NXPE2: variants seen among roughly 807,000 people sequenced by gnomAD.
NXPE2 encodes neurexophilin and PC-esterase domain family member 2.
A neutral mutation model predicts 34.4 loss-of-function variants in NXPE2; 34 were observed. That is an observed-to-expected ratio of 0.99 (90% CI 0.75 to 1.31). The LOEUF is 1.31. Among genes scored for constraint, NXPE2 ranks in the 40% most tolerant of loss-of-function variants. The pLI is 0.00. For missense variants in NXPE2, 649 were observed against 672.5 expected (o/e 0.97, Z 0.39); for synonymous variants, 235 against 231.3 (o/e 1.02, Z -0.15).
chr11:114,634,947 G>A, the NXPE2 span, among the ~76,000 whole-genome samples: 2 of 151,914 alleles, frequency 1.3e-5, no homozygotes, highest in African/African-American at 2.4e-5. Context: ...GGTGATGAGG[G>A]CCCTTTTTTG....
At chr11:114,562,429 T>G in the NXPE2 span, among the ~76,000 whole-genome samples, 1 of 152,238 alleles carries the variant, frequency 6.6e-6, no homozygotes, top group Non-Finnish European at 1.5e-5. Context: ...ACCTCATGGC[T>G]GTCTCTGTTA....
the NXPE2 span, among the ~76,000 whole-genome samples, chr11:114,787,957 C>G: frequency 6.6e-6 from 1 of 152,142 alleles, no homozygotes; most frequent in Non-Finnish European, 1.5e-5. Context: ...CCTGTCACCC[C>G]CTGGAGGATC....
At chr11:114,530,786 C>A in the NXPE2 span, 1 of 1,614,182 alleles carries the variant, frequency 6.2e-7, no homozygotes, top group Non-Finnish European at 8.5e-7. Flanking sequence ...CTATGATTTC[C>A]TTTATTCTGA....
the NXPE2 span, among the ~76,000 whole-genome samples, chr11:114,757,304 C>T: frequency 6.6e-6 from 1 of 151,668 alleles, no homozygotes; most frequent in Admixed American, 6.6e-5. Flanking sequence ...ATGTATTTGT[C>T]CATCCTTTCA....
At chr11:114,589,194 T>C in the NXPE2 span, among the ~76,000 whole-genome samples, 5 of 152,122 alleles carry the variant, frequency 3.3e-5, no homozygotes, top group African/African-American at 1.2e-4. Flanking sequence ...GTGATCAGAC[T>C]GCCCCCAGAG....
rs1262766810 is a variant in NXPE2, at chr11:114,704,058, T to C, written c.928+6T>C. On this transcript the variant is annotated splice_donor_region_variant and intron_variant, in intron 4 of 5. Coordinates refer to ENST00000389586, the MANE Select transcript of NXPE2 (RefSeq NM_182495.6). ...TGAGGTCATACCATGCAACAGTAAG[T>C]CTGGAGTGTTGTTGTCTGCCATGAT... 1 of 1,545,888 alleles carries C rather than the reference T, an allele frequency of 6.5e-7. No individual in the cohort carries two copies. Among genetic ancestry groups the C allele is most frequent in the Non-Finnish European group, 8.8e-7 (1 of 1,141,346 alleles).
chr11:114,804,684 C>G, the NXPE2 span, among the ~76,000 whole-genome samples: 1 of 152,180 alleles, frequency 6.6e-6, no homozygotes, highest in Non-Finnish European at 1.5e-5. Context: ...GGAATAAGAA[C>G]CAGCTTAGAT....
chr11:114,800,548 T>A, the NXPE2 span, among the ~76,000 whole-genome samples: 399 of 152,348 alleles, frequency 2.6e-3, 6 homozygotes, highest in Non-Finnish European at 4.4e-4. Context: ...TAGCAAGATA[T>A]CTGCAAACCT....
the NXPE2 span, among the ~76,000 whole-genome samples, chr11:114,767,843 C>G: frequency 6.6e-6 from 1 of 152,130 alleles, no homozygotes; most frequent in African/African-American, 2.4e-5. Context: ...CCACTGATGT[C>G]TATGATGTAG....
At chr11:114,735,701 A>T in the NXPE2 span, among the ~76,000 whole-genome samples, 3 of 152,132 alleles carry the variant, frequency 2.0e-5, no homozygotes, top group African/African-American at 7.2e-5. Flanking sequence ...CTTGCAGGAA[A>T]TATTTGGGGT....
chr11:114,787,705 C>A, the NXPE2 span, among the ~76,000 whole-genome samples: 10 of 152,152 alleles, frequency 6.6e-5, no homozygotes, highest in African/African-American at 2.2e-4. Context: ...ACAGATGCTA[C>A]TATGTATGTA....
chr11:114,571,181 T>C, the NXPE2 span: 1 of 1,614,020 alleles, frequency 6.2e-7, no homozygotes, highest in Non-Finnish European at 8.5e-7. Context: ...TGTCTGGGCT[T>C]CTCAGAAGAA....
chr11:114,601,390 G>A, the NXPE2 span, among the ~76,000 whole-genome samples: 6 of 141,958 alleles, frequency 4.2e-5, no homozygotes, highest in African/African-American at 1.6e-4. Flanking sequence ...ATACCCTCCA[G>A]TTCCATCCGT....
At chr11:114,583,446 C>A in the NXPE2 span, 1 of 668,062 alleles carries the variant, frequency 1.5e-6, no homozygotes, top group Non-Finnish European at 2.8e-6. Flanking sequence ...GAGGAGATGA[C>A]CAAGTACCAC....
chr11:114,632,109 T>G, the NXPE2 span, among the ~76,000 whole-genome samples: 2 of 144,584 alleles, frequency 1.4e-5, no homozygotes, highest in Non-Finnish European at 3.0e-5. Context: ...ATGTAATATA[T>G]AAATTATATA....
At chr11:114,634,063 G>A in the NXPE2 span, among the ~76,000 whole-genome samples, 1 of 151,722 alleles carries the variant, frequency 6.6e-6, no homozygotes, top group African/African-American at 2.4e-5. Context: ...GATTGAACTA[G>A]TTTACAGTTC....
At chr11:114,673,106 A>T in the NXPE2 span, among the ~76,000 whole-genome samples, 1 of 148,682 alleles carries the variant, frequency 6.7e-6, no homozygotes, top group South Asian at 2.1e-4. Context: ...TATATATAAA[A>T]TAATTGAAAT....
the NXPE2 span, among the ~76,000 whole-genome samples, chr11:114,637,980 C>T: frequency 0.014 from 2,062 of 151,554 alleles, 37 homozygotes; most frequent in African/African-American, 0.047. Context: ...TTGTGGCGTT[C>T]TCTGTATTTC....
chr11:114,519,239 A>G, the NXPE2 span, among the ~76,000 whole-genome samples: 1 of 152,202 alleles, frequency 6.6e-6, no homozygotes, highest in Non-Finnish European at 1.5e-5. Flanking sequence ...TTTGGCAAAA[A>G]GGTTCATTCT....
Sources: allele counts gnomAD v4.1 joint callset (sites outside exome capture counted in the v4.1 genomes callset), GRCh38; gene constraint gnomAD v4.1.1; transcripts MANE v1.5; gene names NCBI Gene and HGNC (gene_info 2026-07-23, HGNC 2026-07-21).